Variants in LSAMP observed in about 807,000 individuals in gnomAD.
The protein encoded by LSAMP is limbic system-associated membrane protein.
LSAMP carries 7 observed loss-of-function variants against 38.6 expected under a neutral mutation model. The ratio of observed to expected loss-of-function variants is 0.18; its 90% CI spans 0.10 to 0.34. The LOEUF (loss-of-function observed/expected upper bound fraction) is 0.34. LSAMP is among the 10% of genes least tolerant of loss of function. The pLI is 1.00. For synonymous variants in LSAMP, 154 were observed against 166.8 expected, an observed-to-expected ratio of 0.92 and a Z score of 0.59; for missense variants, 313 against 420.0, an observed-to-expected ratio of 0.75 and a Z score of 2.23.
chr3:115,935,938 G>T (rs1431491916), intron 3 of LSAMP, among the ~76,000 whole-genome samples: 17 of 152,124 alleles, frequency 1.1e-4, no homozygotes, highest in Admixed American at 1.1e-3. Flanking sequence ...AGGCAATACT[G>T]TCAGCTGTGA....
At chr3:116,207,464 T>G (rs893788821) in intron 1 of LSAMP, among the ~76,000 whole-genome samples, 1 of 150,536 alleles carries the variant, frequency 6.6e-6, no homozygotes, top group Non-Finnish European at 1.5e-5. Context: ...TAGCTGGTGA[T>G]TTTGCTCGTT....
chr3:116,104,806 C>T (rs1708425883), intron 1 of LSAMP, among the ~76,000 whole-genome samples: 1 of 152,120 alleles, frequency 6.6e-6, no homozygotes, highest in Admixed American at 6.5e-5. Flanking sequence ...TCATCTGGGA[C>T]CTAAATCTAC....
intron 1 of LSAMP, among the ~76,000 whole-genome samples, chr3:116,108,281 A>G (rs545411858): frequency 0.011 from 1,721 of 152,014 alleles, 32 homozygotes; most frequent in African/African-American, 0.036. Flanking sequence ...TAGTTAAAGT[A>G]TCTCGGCCTA....
At chr3:116,149,356 C>T (rs1400986527) in intron 1 of LSAMP, among the ~76,000 whole-genome samples, 5 of 151,898 alleles carry the variant, frequency 3.3e-5, no homozygotes, top group African/African-American at 1.2e-4. Context: ...AAAAGGCTTG[C>T]CCTGTGACTA....
At chr3:116,165,266 C>T (rs182618742) in intron 1 of LSAMP, among the ~76,000 whole-genome samples, 59 of 152,288 alleles carry the variant, frequency 3.9e-4, no homozygotes, top group South Asian at 8.3e-4. Flanking sequence ...TCCAGCTATA[C>T]GCTGCAGTTG....
At chr3:115,854,012 C>T (rs963007153) in intron 3 of LSAMP, among the ~76,000 whole-genome samples, 18 of 152,098 alleles carry the variant, frequency 1.2e-4, no homozygotes, top group Admixed American at 6.6e-4. Context: ...ACTAGGCTTC[C>T]GACAGAACAT....
intron 4 of LSAMP, among the ~76,000 whole-genome samples, chr3:115,848,559 A>G (rs1935232590): frequency 6.6e-6 from 1 of 152,212 alleles, no homozygotes; most frequent in African/African-American, 2.4e-5. Flanking sequence ...CCAATTGGGT[A>G]TTCTGTGGCA....
Position 116,070,776 on chromosome 3 carries a change from C to T in LSAMP, c.388+15548G>A, listed in dbSNP as rs529144595. Among the ~76,000 whole-genome samples, 125 of 152,252 alleles carry T rather than the reference C, an allele frequency of 8.2e-4. 1 individual carries two copies. Among genetic ancestry groups the T allele is most frequent in the African/African-American group, 2.8e-3 (116 of 41,540 alleles). ...AATGTACCTGCCGGGCACGGTGGCT[C>T]ATGCCTGTAATCCCAAAACTTTGGG... On this transcript the variant is annotated intron_variant, in intron 2 of 6. Transcript: ENST00000490035.
At chr3:115,852,340 G>T in intron 4 of LSAMP, 143 bp downstream of exon 4, 1 of 913,314 alleles carries the variant, frequency 1.1e-6, no homozygotes, top group Non-Finnish European at 1.5e-6. Flanking sequence ...CCTTGGATGT[G>T]TTCAATGTAT....
intron 3 of LSAMP, among the ~76,000 whole-genome samples, chr3:115,891,980 A>G (rs1936611605): frequency 6.6e-6 from 1 of 152,028 alleles, no homozygotes; most frequent in Admixed American, 6.6e-5. Flanking sequence ...GAATGTACTT[A>G]CTTCTCACTG....
Position 116,006,144 on chromosome 3 carries a change from G to A in LSAMP, c.514+13371C>T, listed in dbSNP as rs182413511. ...TTGAAGCCCAGATGCCCAATGTGAT[G>A]GTATTTGGAGATGAGGCTTTTGGGT... On this transcript the variant is annotated intron_variant, in intron 3 of 6. Transcript: ENST00000490035. Among the ~76,000 whole-genome samples, 1,007 of 152,210 alleles carry A rather than the reference G, an allele frequency of 6.6e-3. 5 individuals are homozygous for A. Among genetic ancestry groups the A allele is most frequent in the African/African-American group, 0.022 (919 of 41,546 alleles).
At chr3:116,372,749 A>T (rs2048445623) in intron 1 of LSAMP, among the ~76,000 whole-genome samples, 1 of 151,940 alleles carries the variant, frequency 6.6e-6, no homozygotes, top group South Asian at 2.1e-4. Flanking sequence ...TTATCTAAAG[A>T]AGACACAGAA....
chr3:116,258,995 G>A (rs9835427), intron 1 of LSAMP, among the ~76,000 whole-genome samples: 118,587 of 152,012 alleles, frequency 0.78, 46,687 homozygotes, highest in Non-Finnish European at 0.84. Context: ...TCCTTGTTTC[G>A]CCAAATCTGT....
At chr3:116,423,594 A>G (rs1190413514) in intron 1 of LSAMP, among the ~76,000 whole-genome samples, 2 of 152,104 alleles carry the variant, frequency 1.3e-5, no homozygotes, top group Non-Finnish European at 2.9e-5. Flanking sequence ...ACAAAGAAGC[A>G]CCCAGCATTC....
chr3:116,326,999 G>T (rs1186173578), intron 1 of LSAMP, among the ~76,000 whole-genome samples: 1 of 152,164 alleles, frequency 6.6e-6, no homozygotes. Context: ...GGAGACCATA[G>T]CTGAGAGGAG....
chr3:115,838,829 T>C (rs529026285), intron 6 of LSAMP, among the ~76,000 whole-genome samples: 1 of 152,364 alleles, frequency 6.6e-6, no homozygotes, highest in East Asian at 1.9e-4. Flanking sequence ...AAGTTTACAC[T>C]GTGTGAAAAG....
intron 3 of LSAMP, among the ~76,000 whole-genome samples, chr3:116,011,627 TG>T (rs1940328378): frequency 6.6e-6 from 1 of 152,024 alleles, no homozygotes; most frequent in Non-Finnish European, 1.5e-5. Flanking sequence ...AGGGTCCAAC[TG>T]GAAAACTGAT....
At chr3:116,160,049 G>A (rs941950589) in intron 1 of LSAMP, among the ~76,000 whole-genome samples, 3 of 152,098 alleles carry the variant, frequency 2.0e-5, no homozygotes, top group African/African-American at 4.8e-5. Flanking sequence ...ACACAAAGAA[G>A]GGAACAACAG....
intron 6 of LSAMP, among the ~76,000 whole-genome samples, chr3:115,813,085 A>T (rs1352068033): frequency 6.6e-6 from 1 of 152,126 alleles, no homozygotes; most frequent in Non-Finnish European, 1.5e-5. Flanking sequence ...ATTCAGAATT[A>T]ACTGTTATTT....
Sources: gnomAD v4.1 joint callset for allele counts (sites outside exome capture counted in the v4.1 genomes callset) on GRCh38, gnomAD v4.1.1 for gene constraint, MANE v1.5 for transcripts, NCBI Gene and HGNC (gene_info 2026-07-23, HGNC 2026-07-21) for gene names.